Variants in PSMC2 observed in about 807,000 individuals in gnomAD.
PSMC2 encodes the protein 26S proteasome regulatory subunit 7.
Under a neutral mutation model 53.3 loss-of-function variants are expected in PSMC2, and 7 were observed. The observed-to-expected ratio is 0.13, with a 90% confidence interval of 0.07 to 0.25. PSMC2 has a LOEUF of 0.25. Among genes scored for constraint, PSMC2 ranks in the 10% least tolerant of loss-of-function variants. The pLI is 1.00. For missense variants in PSMC2, 241 were observed against 544.0 expected, an observed-to-expected ratio of 0.44 and a Z score of 5.54; for synonymous variants, 169 against 183.9, an observed-to-expected ratio of 0.92 and a Z score of 0.66.
intron 1 of PSMC2, among the ~76,000 whole-genome samples, chr7:103,348,364 C>CT (rs538337346): frequency 2.3e-4 from 35 of 151,884 alleles, no homozygotes; most frequent in East Asian, 5.8e-4. Context: ...TTATCTATTC[C>CT]TTTTTTTTAA....
intron 1 of PSMC2, among the ~76,000 whole-genome samples, chr7:103,350,107 A>G (rs555347501): frequency 2.5e-4 from 38 of 152,086 alleles, no homozygotes; most frequent in Non-Finnish European, 4.7e-4. Flanking sequence ...TACCTCTTCT[A>G]TTTGTTGTCC....
At chr7:103,364,958 C>CATACATATATATATAT (rs374432802) in intron 8 of PSMC2, among the ~76,000 whole-genome samples, 4 of 125,502 alleles carry the variant, frequency 3.2e-5, no homozygotes, top group East Asian at 2.5e-4. Context: ...TGTAGACATA[C>CATACATATATATATAT]ATATATATAT....
chr7:103,366,687 G>A (rs922653997), intron 9 of PSMC2, among the ~76,000 whole-genome samples: 1 of 152,176 alleles, frequency 6.6e-6, no homozygotes, highest in African/African-American at 2.4e-5. Flanking sequence ...ATCATCTAAT[G>A]TCATAAGAAA....
chr7:103,362,059 T>C lies in PSMC2; in HGVS notation c.393T>C (p.Pro131=). 2 of 1,613,122 alleles carry C rather than the reference T, an allele frequency of 1.2e-6. No individual in the cohort carries two copies. Among genetic ancestry groups the C allele is most frequent in the Non-Finnish European group, 8.5e-7 (1 of 1,179,778 alleles). Residue 131 remains proline (P), a synonymous_variant, in exon 5 of 12, where the codon CCT becomes CCC. Transcript: ENST00000292644. ...FVVDLSDQVA[P]TDIEEGMRVG... ...TGGACCTTAGTGATCAGGTGGCACC[T>C]ACTGACATTGAAGAAGGGATGAGAG...
intron 4 of PSMC2, among the ~76,000 whole-genome samples, chr7:103,360,666 T>C (rs1820331180): frequency 6.6e-6 from 1 of 152,254 alleles, no homozygotes; most frequent in African/African-American, 2.4e-5. Context: ...AGCAGCTTTC[T>C]AATGTGAGTT....
At chr7:103,360,731 C>T (rs143903850) in intron 4 of PSMC2, among the ~76,000 whole-genome samples, 178 of 152,226 alleles carry the variant, frequency 1.2e-3, no homozygotes, top group African/African-American at 4.0e-3. Context: ...AGGGGAAAGG[C>T]GGTTGACTAT....
chr7:103,358,099 G>T (rs954379474), intron 4 of PSMC2, among the ~76,000 whole-genome samples: 3 of 152,140 alleles, frequency 2.0e-5, no homozygotes, highest in Non-Finnish European at 4.4e-5. Flanking sequence ...CAGTTGGGAG[G>T]TAATATTTTG....
chr7:103,352,215 TAAAAAAAAAAAAAAAAAA>T (rs769618353), intron 1 of PSMC2, among the ~76,000 whole-genome samples: 3 of 40,608 alleles, frequency 7.4e-5, no homozygotes, highest in Non-Finnish European at 1.3e-4. Flanking sequence ...CATACTTAGT[TAAAAAAAAAAAAAAAAAA>T]AAAAAAAAAA....
chr7:103,353,842 A>G, intron 1 of PSMC2, 79 bp from the exon 2 acceptor site: 1 of 1,247,230 alleles, frequency 8.0e-7, no homozygotes, highest in Non-Finnish European at 1.1e-6. Context: ...ATCGAACAGA[A>G]AAAAAGCTCT....
chr7:103,350,778 G>A (rs1819713400), intron 1 of PSMC2, among the ~76,000 whole-genome samples: 1 of 152,128 alleles, frequency 6.6e-6, no homozygotes, highest in African/African-American at 2.4e-5. Context: ...CATTTCAGGG[G>A]TGAGCTACCA....
At chr7:103,362,152 C>T (rs1820448855) in intron 5 of PSMC2, 64 bp downstream of exon 5, 1 of 1,599,080 alleles carries the variant, frequency 6.3e-7, no homozygotes, top group East Asian at 2.2e-5. Flanking sequence ...CATTCATATC[C>T]TTGGCTTTGT....
At position 103,365,783 on chromosome 7, in the gene PSMC2, C is replaced by T. The variant is rs138492168; in HGVS notation, c.757-293C>T. 6.2e-3 allele frequency among the ~76,000 whole-genome samples: 939 copies of T among 152,074 alleles called. 10 individuals carry two copies. Among genetic ancestry groups the T allele is most frequent in the African/African-American group, 0.021 (885 of 41,500 alleles). On this transcript the variant is annotated intron_variant, in intron 8 of 11. Coordinates refer to ENST00000292644, the MANE Select transcript of PSMC2 (RefSeq NM_002803.4). ...TCTCTACTAAAAATACAAAAATTAG[C>T]GGGGTGTGGTGACACATGCCTGTAA...
chr7:103,363,282 G>C (rs1194459896), intron 6 of PSMC2, 62 bp from the exon 7 acceptor site: 1 of 1,344,426 alleles, frequency 7.4e-7, no homozygotes, highest in Admixed American at 1.7e-5. Context: ...CTATTCTATT[G>C]AATTTGGACA....
rs1180066316 is a variant in PSMC2, at chr7:103,363,454, G to A, written c.591+15G>A. ...CATTACTTCATGTAAGTAGCTGAGT[G>A]TTGTATTTAAATTTCTTTGTATAAA... On this transcript the variant is annotated intron_variant, in intron 7 of 11. Transcript: ENST00000292644. 5.7e-6 allele frequency: 9 copies of A among 1,590,066 alleles called. No homozygotes were observed. The highest frequency in any genetic ancestry group is 6.9e-6 in the Non-Finnish European group (8 of 1,158,232).
rs1013206840 is a variant in PSMC2, at chr7:103,369,056, T to A, written c.*1002T>A. 4 of 152,172 alleles carry A rather than the reference T, an allele frequency of 2.6e-5. No homozygotes were observed. Among genetic ancestry groups the A allele is most frequent in the African/African-American group, 9.6e-5 (4 of 41,454 alleles). The allele number at this position is 152,172 out of a possible 1,614,324, so 9.4% of individuals were successfully genotyped here. A position where few individuals can be genotyped will look rare whatever the true frequency, so the allele number is the denominator to read the frequency against. ...TTTATTGAAGTTCGATATTCATAAA[T>A]AAGTTGCAAAATAAGAGTTGGATAT... On this transcript the variant is annotated 3_prime_UTR_variant, in exon 12 of 12. Transcript: ENST00000292644.
chr7:103,354,450 C>T (rs1461395706), intron 2 of PSMC2, among the ~76,000 whole-genome samples: 1 of 149,816 alleles, frequency 6.7e-6, no homozygotes, highest in Non-Finnish European at 1.5e-5. Flanking sequence ...TTCACTGCAA[C>T]CTCCGCCTCC....
In PSMC2 at chr7:103,368,919, A is replaced by G. The variant is rs1233221733; in HGVS notation, c.*865A>G. 9.7e-5 allele frequency: 1 copy of G among 10,320 alleles called. No homozygotes were observed. The highest frequency in any genetic ancestry group is 1.3e-4 in the African/African-American group (1 of 7,898). 0.6% of individuals were successfully genotyped at this position (10,320 alleles called of 1,614,324 possible). A position where few individuals can be genotyped will look rare whatever the true frequency, so the allele number is the denominator to read the frequency against. On this transcript the variant is annotated 3_prime_UTR_variant, in exon 12 of 12. Coordinates refer to ENST00000292644, the MANE Select transcript of PSMC2 (RefSeq NM_002803.4). ...ATTTTAAAAATAAAGGTTATATTAG[A>G]ATCCTCAACATCTCTTTAAAATTAC...
Position 103,364,323 on chromosome 7 carries a change from C to T in PSMC2, c.756+16C>T. 6.2e-7 allele frequency: 1 copy of T among 1,613,080 alleles called. No homozygotes were observed. Among genetic ancestry groups the T allele is most frequent in the South Asian group, 1.1e-5 (1 of 90,908 alleles). On this transcript the variant is annotated intron_variant, in intron 8 of 11. Coordinates refer to ENST00000292644, the MANE Select transcript of PSMC2 (RefSeq NM_002803.4). Reference sequence around the variant, plus strand: ...CGTCGGTGAGGTAAAGTAAATTTATCAAAGAATATATAGCCTTGTGAAAGA... The same window carrying T: ...CGTCGGTGAGGTAAAGTAAATTTATTAAAGAATATATAGCCTTGTGAAAGA...
chr7:103,353,212 T>C (rs1024275988), intron 1 of PSMC2, among the ~76,000 whole-genome samples: 3 of 152,076 alleles, frequency 2.0e-5, no homozygotes, highest in Non-Finnish European at 4.4e-5. Context: ...CATTATATCC[T>C]TTTTTTTAAA....
Sources: gnomAD v4.1 joint callset for allele counts (sites outside exome capture counted in the v4.1 genomes callset) on GRCh38, gnomAD v4.1.1 for gene constraint, MANE v1.5 for transcripts, NCBI Gene and HGNC (gene_info 2026-07-23, HGNC 2026-07-21) for gene names.